Variants in ELMO1 observed in about 807,000 individuals in gnomAD.
ELMO1 encodes engulfment and cell motility 1, also known as engulfment and cell motility protein 1.
A neutral mutation model predicts 98.9 loss-of-function variants in ELMO1; 26 were observed. The ratio of observed to expected loss-of-function variants is 0.26; its 90% CI spans 0.19 to 0.36. The LOEUF (loss-of-function observed/expected upper bound fraction) is 0.36, where lower values mean the gene tolerates loss of function less well. Ranked by LOEUF, ELMO1 falls within the 10% of genes least tolerant of loss-of-function variation. The probability of loss-of-function intolerance (pLI) is 1.00; values close to 1 mark genes in which losing one functional copy is unlikely to be tolerated. For synonymous variants in ELMO1, 346 were observed against 346.0 expected, an observed-to-expected ratio of 1.00 and a Z score of 0.00; for missense variants, 627 against 935.2, an observed-to-expected ratio of 0.67 and a Z score of 4.30.
intron 16 of ELMO1, among the ~76,000 whole-genome samples, chr7:36,920,727 T>G (rs1785080757): frequency 6.6e-6 from 1 of 152,176 alleles, no homozygotes; most frequent in Admixed American, 6.5e-5. Flanking sequence ...ACTGCTGATT[T>G]CATTTTCTAC....
chr7:37,048,552 C>A (rs1795926691), intron 15 of ELMO1, among the ~76,000 whole-genome samples: 1 of 152,122 alleles, frequency 6.6e-6, no homozygotes, highest in African/African-American at 2.4e-5. Context: ...GAGATCTGTT[C>A]CCCCACCTAA....
chr7:36,957,298 C>G (rs1788539371), intron 16 of ELMO1, among the ~76,000 whole-genome samples: 1 of 152,202 alleles, frequency 6.6e-6, no homozygotes. Flanking sequence ...TGCAGCTCTG[C>G]AGCCCCTACT....
chr7:37,105,226 C>A (rs1334553374), intron 14 of ELMO1, among the ~76,000 whole-genome samples: 1 of 152,158 alleles, frequency 6.6e-6, no homozygotes, highest in Non-Finnish European at 1.5e-5. Context: ...ACAAAGAGGG[C>A]AAAGGATTAA....
chr7:36,952,268 C>T (rs543264783), intron 16 of ELMO1, among the ~76,000 whole-genome samples: 3 of 152,302 alleles, frequency 2.0e-5, no homozygotes, highest in Admixed American at 1.3e-4. Context: ...ATCAGAGGCC[C>T]TTTAATGTTC....
intron 16 of ELMO1, among the ~76,000 whole-genome samples, chr7:37,002,347 T>C (rs895668559): frequency 2.0e-5 from 3 of 152,200 alleles, no homozygotes; most frequent in Non-Finnish European, 4.4e-5. Flanking sequence ...ACTTCACCCA[T>C]CATGAGGTCA....
At chr7:37,204,639 G>A (rs1036842615) in intron 13 of ELMO1, among the ~76,000 whole-genome samples, 32 of 152,220 alleles carry the variant, frequency 2.1e-4, no homozygotes, top group African/African-American at 5.8e-4. Context: ...CTTTGGCCCC[G>A]CCCATATCCT....
intron 1 of ELMO1, among the ~76,000 whole-genome samples, chr7:37,394,144 T>C (rs972868250): frequency 1.3e-5 from 2 of 152,198 alleles, no homozygotes; most frequent in Admixed American, 6.5e-5. Flanking sequence ...TAATATAATG[T>C]TGGACAATAC....
At chr7:37,164,492 T>C (rs1173436932) in intron 13 of ELMO1, among the ~76,000 whole-genome samples, 2 of 152,234 alleles carry the variant, frequency 1.3e-5, no homozygotes, top group Admixed American at 6.5e-5. Context: ...AAATCTTTAA[T>C]CCATCTTGAA....
intron 4 of ELMO1, among the ~76,000 whole-genome samples, chr7:37,292,549 C>T (rs1159170037): frequency 9.9e-6 from 1 of 101,306 alleles, no homozygotes; most frequent in Non-Finnish European, 2.4e-5. Context: ...TGAGGAGCGT[C>T]TCTGCCCGGC....
At chr7:37,298,249 G>A (rs17198538) in intron 4 of ELMO1, among the ~76,000 whole-genome samples, 9,538 of 146,500 alleles carry the variant, frequency 0.065, 368 homozygotes, top group South Asian at 0.14. Context: ...CAAAAAGGTA[G>A]AATAAAAGTA....
At chr7:37,066,267 G>A (rs1796956620) in intron 15 of ELMO1, among the ~76,000 whole-genome samples, 1 of 152,154 alleles carries the variant, frequency 6.6e-6, no homozygotes. Context: ...AATCAAAACT[G>A]TAGGGCACTG....
intron 19 of ELMO1, among the ~76,000 whole-genome samples, chr7:36,874,520 A>T (rs1323196182): frequency 6.6e-6 from 1 of 152,222 alleles, no homozygotes; most frequent in Non-Finnish European, 1.5e-5. Context: ...TCCCATTATC[A>T]ATAATCAGAG....
At chr7:37,237,663 C>T (rs1054898355) in intron 7 of ELMO1, among the ~76,000 whole-genome samples, 2 of 152,180 alleles carry the variant, frequency 1.3e-5, no homozygotes, top group African/African-American at 2.4e-5. Context: ...TCAATAGATC[C>T]TTAATTGTCA....
At chr7:37,164,377 AT>A (rs1267154390) in intron 13 of ELMO1, among the ~76,000 whole-genome samples, 1 of 151,942 alleles carries the variant, frequency 6.6e-6, no homozygotes, top group Non-Finnish European at 1.5e-5. Flanking sequence ...TTTTGTTGCC[AT>A]TGCTTTTGGT....
At chr7:36,867,751 C>T (rs1465268757) in intron 20 of ELMO1, among the ~76,000 whole-genome samples, 2 of 152,134 alleles carry the variant, frequency 1.3e-5, no homozygotes, top group Non-Finnish European at 1.5e-5. Context: ...CTTGGGAATT[C>T]TTCCTGGAAC....
At chr7:37,273,511 ACC>A (rs936792003) in intron 4 of ELMO1, among the ~76,000 whole-genome samples, 5 of 151,982 alleles carry the variant, frequency 3.3e-5, no homozygotes, top group African/African-American at 7.3e-5. Context: ...AGTCAATTAA[ACC>A]CTCTTTTCTT....
intron 15 of ELMO1, among the ~76,000 whole-genome samples, chr7:37,022,398 C>G (rs1403842381): frequency 1.3e-5 from 2 of 152,066 alleles, no homozygotes; most frequent in African/African-American, 2.4e-5. Flanking sequence ...AGACAGACAA[C>G]CCAGTAGAAG....
chr7:37,428,253 TA>T (rs911224804), intron 1 of ELMO1, among the ~76,000 whole-genome samples: 16 of 147,940 alleles, frequency 1.1e-4, no homozygotes, highest in Admixed American at 2.7e-4. Context: ...TAGCACCTAA[TA>T]AAAAAAAAAC....
intron 10 of ELMO1, among the ~76,000 whole-genome samples, chr7:37,222,134 AT>A (rs756591106): frequency 3.2e-4 from 49 of 152,306 alleles, no homozygotes; most frequent in South Asian, 8.3e-4. Flanking sequence ...CCATCTGCAT[AT>A]TATCCCTCCT....
Sources: gnomAD v4.1 joint callset for allele counts (sites outside exome capture counted in the v4.1 genomes callset) on GRCh38, gnomAD v4.1.1 for gene constraint, MANE v1.5 for transcripts, NCBI Gene and HGNC (gene_info 2026-07-23, HGNC 2026-07-21) for gene names.